The following HSPB7 variants were observed in gnomAD, a reference collection of about 807,000 sequenced individuals.
HSPB7 encodes heat shock protein beta-7.
A neutral mutation model predicts 11.0 loss-of-function variants in HSPB7; 9 were observed. The ratio of observed to expected loss-of-function variants is 0.82; its 90% CI spans 0.49 to 1.43. HSPB7 has a LOEUF of 1.43. Among genes scored for constraint, HSPB7 ranks in the 40% most tolerant of loss-of-function variants. The pLI is 0.00. For missense variants in HSPB7, 246 were observed against 243.9 expected (o/e 1.01, Z -0.06); for synonymous variants, 102 against 101.6 (o/e 1.00, Z -0.02).
Position 16,015,515 on chromosome 1 carries a change from G to T in HSPB7, c.*65C>A. The T allele has an allele frequency of 6.7e-7, 1 of 1,495,544 alleles. No homozygotes were observed. Among genetic ancestry groups the T allele is most frequent in the Non-Finnish European group, 9.3e-7 (1 of 1,078,312 alleles). 92.6% of individuals were successfully genotyped at this position (1,495,544 alleles called of 1,614,324 possible). ...TGAGATGTCCTGGAGCTGTTGTAAT[G>T]GGGTTAGCGAGGCTTTGCTGGCAGG... is the stretch of plus-strand genomic sequence containing the variant. On this transcript the variant is annotated 3_prime_UTR_variant, in exon 3 of 3. Coordinates refer to ENST00000311890, the MANE Select transcript of HSPB7 (RefSeq NM_014424.5). The surrounding 1 kb of genome is among the most constrained non-coding windows in gnomAD (Gnocchi z 4.9).
At chr1:16,018,996 C>T (rs560072207), upstream of HSPB7, 416 of 991,728 alleles carry the variant, frequency 4.2e-4, 1 homozygote, top group Middle Eastern at 4.3e-3. Flanking sequence ...AGCTGGGATT[C>T]GAACCTAGAT....
Position 16,017,564 on chromosome 1 carries a change from A to G in HSPB7, c.199+201T>C, listed in dbSNP as rs2021841530. 8 of 600,342 alleles carry G rather than the reference A, an allele frequency of 1.3e-5. No individual in the cohort carries two copies. The Admixed American group carries it at 1.6e-4, about 12-fold the overall frequency. 37.2% of individuals were successfully genotyped at this position (600,342 alleles called of 1,614,324 possible). A position where few individuals can be genotyped will look rare whatever the true frequency, so the allele number is the denominator to read the frequency against. On this transcript the variant is annotated intron_variant, in intron 1 of 2. Coordinates refer to ENST00000311890, the MANE Select transcript of HSPB7 (RefSeq NM_014424.5). ...GGAACCATGTCCAACCCCCAGGGCC[A>G]CAACTGTTCCTTAGAGGCCCACCTG... is the stretch of plus-strand genomic sequence containing the variant.
upstream of HSPB7, chr1:16,019,573 C>A: frequency 8.0e-7 from 1 of 1,243,610 alleles, no homozygotes; most frequent in Non-Finnish European, 1.1e-6. Context: ...GGGGTATTAG[C>A]GGTGCTGGTG....
upstream of HSPB7, chr1:16,018,719 T>C: frequency 2.9e-6 from 3 of 1,040,268 alleles, no homozygotes; most frequent in Non-Finnish European, 2.3e-6. Flanking sequence ...TCCCGGCAAC[T>C]GTCTGCTCCA....
rs559636422 is a variant in HSPB7, at chr1:16,016,403, C to G, written c.334-644G>C. 1.8e-3 allele frequency among the ~76,000 whole-genome samples: 281 copies of G among 152,312 alleles called. 4 individuals carry two copies. Among genetic ancestry groups the G allele is most frequent in the African/African-American group, 6.5e-3 (271 of 41,562 alleles). On this transcript the variant is annotated intron_variant, in intron 2 of 2. Coordinates refer to ENST00000311890, the MANE Select transcript of HSPB7 (RefSeq NM_014424.5). ...GCCGTGGCTGTCCCTGGGCAACGCC[C>G]CTGTTCAGGCCTGGCCATACCCTCT...
rs1739840 is a variant in HSPB7 at position 16,015,742 on chromosome 1, A to G, written c.351T>C (p.Thr117=). Residue 117 remains threonine, a synonymous_variant, in exon 3 of 3, where the codon ACT becomes ACC. Coordinates refer to ENST00000311890, the MANE Select transcript of HSPB7 (RefSeq NM_014424.5). The surrounding 1 kb of genome is among the most constrained non-coding windows in gnomAD (Gnocchi z 4.9). ...ACTTGTGAGCGAAGGTGTTCATGAC[A>G]GTGCCGTCAGCCGCCAGCTGGGGAA... The part of the protein sequence containing the change: ...VRAEKLAADG[T]VMNTFAHKCQ... 941,309 of 1,588,860 alleles carry G rather than the reference A, an allele frequency of 0.59. 281,129 individuals carry two copies. The highest frequency in any genetic ancestry group is 0.73 in the East Asian group (32,554 of 44,324).
chr1:16,017,992 C>A lies in HSPB7; in HGVS notation c.-29G>T. Reference sequence around the variant, plus strand: ...CGGACGGCGCCGGGCCCTGCCCAGGCGGGCGAGGGCTGGACAGGAGAGGGT... The same window carrying A: ...CGGACGGCGCCGGGCCCTGCCCAGGAGGGCGAGGGCTGGACAGGAGAGGGT... On this transcript the variant is annotated 5_prime_UTR_variant, in exon 1 of 3. Coordinates refer to ENST00000311890, the MANE Select transcript of HSPB7 (RefSeq NM_014424.5). 1.2e-6 allele frequency: 2 copies of A among 1,612,442 alleles called. No homozygotes were observed. The highest frequency in any genetic ancestry group is 1.7e-6 in the Non-Finnish European group (2 of 1,179,538).
At position 16,015,413 on chromosome 1, in the gene HSPB7, C is replaced by T. The variant is rs2021629310; in HGVS notation, c.*167G>A. 4 of 629,914 alleles carry T rather than the reference C, an allele frequency of 6.4e-6. No homozygotes were observed. Among genetic ancestry groups the T allele is most frequent in the Non-Finnish European group, 8.3e-6 (3 of 361,420 alleles). The allele number at this position is 629,914 out of a possible 1,614,324, so 39.0% of individuals were successfully genotyped here. ...CAGGCCAGGGAGTCCCTGGCCTGCC[C>T]TGGATAGAGTGGAGGGCCCTAGTTT... is the stretch of plus-strand genomic sequence containing the variant. On this transcript the variant is annotated 3_prime_UTR_variant, in exon 3 of 3. Coordinates refer to ENST00000311890, the MANE Select transcript of HSPB7 (RefSeq NM_014424.5). The surrounding 1 kb of genome is among the most constrained non-coding windows in gnomAD (Gnocchi z 4.9).
upstream of HSPB7, chr1:16,019,353 C>T: frequency 6.9e-7 from 1 of 1,445,596 alleles, no homozygotes; most frequent in Non-Finnish European, 9.5e-7. Flanking sequence ...CTTTGTCCTC[C>T]CACAGCACCT....
upstream of HSPB7, chr1:16,018,294 G>T: frequency 7.6e-7 from 1 of 1,323,830 alleles, no homozygotes. Context: ...CTGTCTCCTT[G>T]CCACTCGGAC....
At chr1:16,017,024 G>A in intron 2 of HSPB7, 50 bp downstream of exon 2, 9 of 1,574,954 alleles carry the variant, frequency 5.7e-6, no homozygotes, top group Non-Finnish European at 7.8e-6. Context: ...GGAGACATTG[G>A]AGGCAGGAGC....
At chr1:16,018,412 T>C, upstream of HSPB7, 1 of 1,174,208 alleles carries the variant, frequency 8.5e-7, no homozygotes, top group African/African-American at 1.6e-5. Flanking sequence ...AGACTCTGGT[T>C]CTCCTCCACG....
chr1:16,019,324 T>A, upstream of HSPB7: 1 of 1,425,006 alleles, frequency 7.0e-7, no homozygotes. Context: ...CCAGTCCAGA[T>A]GCCCCCAGCA....
upstream of HSPB7, chr1:16,019,564 G>C: frequency 2.3e-6 from 3 of 1,285,512 alleles, no homozygotes; most frequent in Non-Finnish European, 3.2e-6. Context: ...CCTTCTACAG[G>C]GGTATTAGCG....
At chr1:16,016,679 T>C (rs916740065) in intron 2 of HSPB7, among the ~76,000 whole-genome samples, 40 of 151,438 alleles carry the variant, frequency 2.6e-4, no homozygotes, top group Admixed American at 2.0e-3. Flanking sequence ...CCAGGTGAGT[T>C]CCCCACCTAC....
chr1:16,016,947 T>C, intron 2 of HSPB7, 127 bp downstream of exon 2: 1 of 945,148 alleles, frequency 1.1e-6, no homozygotes, highest in Non-Finnish European at 1.6e-6. Flanking sequence ...CAGTTAGCCC[T>C]GGGGGAGTTT....
At position 16,017,967 on chromosome 1, in the gene HSPB7, C is replaced by A; in HGVS notation, c.-4G>T. ...TGGAAGAGGTTCTGTGGCTCATCCACGGACGGCGCCGGGCCCTGCCCAGGC... is the reference window on the plus strand; with the variant it reads ...TGGAAGAGGTTCTGTGGCTCATCCAAGGACGGCGCCGGGCCCTGCCCAGGC... On this transcript the variant is annotated 5_prime_UTR_variant, in exon 1 of 3. Coordinates refer to ENST00000311890, the MANE Select transcript of HSPB7 (RefSeq NM_014424.5). The A allele has an allele frequency of 6.2e-7, 1 of 1,612,978 alleles. No individual in the cohort carries two copies. The highest frequency in any genetic ancestry group is 8.5e-7 in the Non-Finnish European group (1 of 1,179,748).
rs1048302 is a variant in HSPB7 at position 16,014,384 on chromosome 1, T to G, written c.*1196A>C. On this transcript the variant is annotated 3_prime_UTR_variant, in exon 3 of 3. Coordinates refer to ENST00000311890, the MANE Select transcript of HSPB7 (RefSeq NM_014424.5). ...CCCCAGCTGGAAGACGTGGGGAGGG[T>G]TGCATAGCCTTAGAGAGGTAGAATG... 106,139 of 151,846 alleles carry G rather than the reference T, an allele frequency of 0.7. 37,413 individuals carry two copies. The highest frequency in any genetic ancestry group is 0.98 in the East Asian group (5,016 of 5,144). The allele number at this position is 151,846 out of a possible 1,614,324, so 9.4% of individuals were successfully genotyped here. A position where few individuals can be genotyped will look rare whatever the true frequency, so the allele number is the denominator to read the frequency against.
Position 16,017,134 on chromosome 1 carries a change from G to A in HSPB7, c.273C>T (p.Phe91=). ...AYEFAVDVRD[F]SPEDIIVTTS... Reference sequence around the variant, plus strand: ...TGGTGACAATGATGTCTTCAGGTGAGAAGTCTCTCACGTCCACCGCAAACT... The same window carrying A: ...TGGTGACAATGATGTCTTCAGGTGAAAAGTCTCTCACGTCCACCGCAAACT... The change falls in exon 2 of 3, where the codon TTC becomes TTT. Residue 91 remains phenylalanine (F), a synonymous_variant. Coordinates refer to ENST00000311890, the MANE Select transcript of HSPB7 (RefSeq NM_014424.5). 1 of 1,613,744 alleles carries A rather than the reference G, an allele frequency of 6.2e-7. No homozygotes were observed. The highest frequency in any genetic ancestry group is 8.5e-7 in the Non-Finnish European group (1 of 1,179,704).
Sources: gnomAD v4.1 joint callset for allele counts (sites outside exome capture counted in the v4.1 genomes callset) on GRCh38, gnomAD v4.1.1 for gene constraint, Gnocchi (gnomAD v3.1) non-coding constraint, MANE v1.5 for transcripts, NCBI Gene and HGNC (gene_info 2026-07-23, HGNC 2026-07-21) for gene names.